The following ELP4 variants were observed in gnomAD, a reference collection of about 807,000 sequenced individuals.
The protein encoded by ELP4 is elongator complex protein 4.
ELP4 carries 51 observed loss-of-function variants against 48.9 expected under a neutral mutation model. The ratio of observed to expected loss-of-function variants is 1.04; its 90% CI spans 0.83 to 1.32. The LOEUF (loss-of-function observed/expected upper bound fraction) is 1.32, where lower values mean the gene tolerates loss of function less well. Ranked by LOEUF, ELP4 falls within the 40% of genes most tolerant of loss-of-function variation. ELP4 has a pLI of 0.00. For missense variants in ELP4, 519 were observed against 514.6 expected, an observed-to-expected ratio of 1.01 and a Z score of -0.08; for synonymous variants, 210 against 189.2, an observed-to-expected ratio of 1.11 and a Z score of -0.90.
chr11:31,573,521 C>G (rs1229064568), intron 3 of ELP4: 1 of 152,208 alleles, frequency 6.6e-6, no homozygotes, highest in African/African-American at 2.4e-5. Flanking sequence ...CTGGTGAGGG[C>G]TCTCTTCCTG....
intron 5 of ELP4, among the ~76,000 whole-genome samples, chr11:31,604,684 G>A (rs1030458833): frequency 1.3e-5 from 2 of 151,782 alleles, no homozygotes; most frequent in Non-Finnish European, 3.0e-5. Flanking sequence ...AATAGGCAAG[G>A]CGTTGTGAAC....
At chr11:31,568,294 A>G (rs1326944167) in intron 3 of ELP4, among the ~76,000 whole-genome samples, 1 of 152,216 alleles carries the variant, frequency 6.6e-6, no homozygotes, top group Non-Finnish European at 1.5e-5. Context: ...ATCAGAGATG[A>G]CACAAATGAA....
At chr11:31,783,371 C>G in intron 9 of ELP4, 22 bp from the exon 10 acceptor site, 2 of 1,582,686 alleles carry the variant, frequency 1.3e-6, no homozygotes, top group South Asian at 2.3e-5. Context: ...TTTTTTTCTT[C>G]TCCTGAAATC....
intron 9 of ELP4, chr11:31,714,908 CA>C (rs1946810752): frequency 2.5e-6 from 1 of 397,490 alleles, no homozygotes; most frequent in Non-Finnish European, 4.4e-6. Context: ...GTCGACCAAT[CA>C]GCAACCTTAA....
chr11:31,629,487 ATATCT>A (rs1454391518), intron 6 of ELP4, among the ~76,000 whole-genome samples: 3 of 151,890 alleles, frequency 2.0e-5, no homozygotes, highest in Non-Finnish European at 4.4e-5. Context: ...CCTCACTTAA[ATATCT>A]TATCTCTCAT....
intron 9 of ELP4, chr11:31,653,644 C>A (rs1945369621): frequency 6.6e-6 from 1 of 151,466 alleles, no homozygotes; most frequent in Admixed American, 6.6e-5. Flanking sequence ...GGTATAAAGT[C>A]TTTGCTGAAA....
chr11:31,729,034 G>A (rs566674212), intron 9 of ELP4, among the ~76,000 whole-genome samples: 27 of 152,252 alleles, frequency 1.8e-4, no homozygotes, highest in African/African-American at 6.0e-4. Context: ...AGCTAGAGGA[G>A]AAAATTCTAA....
At chr11:31,606,162 G>A (rs2134005898) in intron 5 of ELP4, among the ~76,000 whole-genome samples, 1 of 152,102 alleles carries the variant, frequency 6.6e-6, no homozygotes, top group South Asian at 2.1e-4. Context: ...AGAGTTAACT[G>A]ATAATTCATT....
intron 9 of ELP4, among the ~76,000 whole-genome samples, chr11:31,690,629 C>G (rs1946258655): frequency 6.6e-6 from 1 of 151,938 alleles, no homozygotes; most frequent in South Asian, 2.1e-4. Context: ...TAGCTTCCTA[C>G]CTTCATTTTA....
intron 3 of ELP4, among the ~76,000 whole-genome samples, chr11:31,559,528 T>C (rs1024393604): frequency 2.0e-5 from 3 of 152,202 alleles, no homozygotes; most frequent in East Asian, 1.9e-4. Flanking sequence ...GTATAACATA[T>C]AGGCTGCTGT....
At chr11:31,721,486 G>C (rs1946957157) in intron 9 of ELP4, among the ~76,000 whole-genome samples, 1 of 151,740 alleles carries the variant, frequency 6.6e-6, no homozygotes, top group Non-Finnish European at 1.5e-5. Context: ...AACTGTCTTG[G>C]CTTTTTTTTT....
At chr11:31,737,257 G>C (rs1947340715) in intron 9 of ELP4, among the ~76,000 whole-genome samples, 1 of 152,020 alleles carries the variant, frequency 6.6e-6, no homozygotes, top group Non-Finnish European at 1.5e-5. Flanking sequence ...TCATAGGTGG[G>C]AATTGAACTA....
intron 5 of ELP4, among the ~76,000 whole-genome samples, chr11:31,619,305 T>C (rs1316058329): frequency 6.6e-6 from 1 of 152,026 alleles, no homozygotes; most frequent in African/African-American, 2.4e-5. Context: ...AGTTCACATA[T>C]GGCAGCCTGT....
rs1948567105 is a variant in ELP4, at chr11:31,785,747, A to T, written c.*2223A>T. The T allele has an allele frequency of 1.0e-5, 2 of 193,076 alleles. No individual in the cohort carries two copies. Among genetic ancestry groups the T allele is most frequent in the East Asian group, 1.6e-4 (2 of 12,222 alleles). The allele number at this position is 193,076 out of a possible 1,614,324, so 12.0% of individuals were successfully genotyped here. On this transcript the variant is annotated 3_prime_UTR_variant, in exon 10 of 10. Transcript: ENST00000640961. The stretch of plus-strand genomic sequence containing the variant: ...CTTTCTTCTGGAAACATTATTTGTT[A>T]CTCATTATGTTAATAACTTACTACA...
At chr11:31,742,160 A>C (rs1220341220) in intron 9 of ELP4, among the ~76,000 whole-genome samples, 2 of 152,176 alleles carry the variant, frequency 1.3e-5, no homozygotes, top group Non-Finnish European at 2.9e-5. Flanking sequence ...TGGAAGATGA[A>C]ATGAATGAAA....
At chr11:31,647,875 G>A in intron 8 of ELP4, 26 bp downstream of exon 8, 3 of 1,354,824 alleles carry the variant, frequency 2.2e-6, no homozygotes, top group South Asian at 2.3e-5. Flanking sequence ...ATAATGAGAA[G>A]AGCAGGAGCA....
chr11:31,591,842 A>G (rs995112631), intron 3 of ELP4, among the ~76,000 whole-genome samples: 6 of 151,582 alleles, frequency 4.0e-5, no homozygotes, highest in African/African-American at 1.5e-4. Flanking sequence ...TAACTTAAGA[A>G]TAGAAATGAT....
At chr11:31,649,772 A>C in intron 8 of ELP4, 3 of 179,140 alleles carry the variant, frequency 1.7e-5, no homozygotes, top group East Asian at 2.8e-4. Context: ...TGCCGTGGGC[A>C]GCATGCAAGG....
intron 3 of ELP4, among the ~76,000 whole-genome samples, chr11:31,561,732 C>A (rs1294586251): frequency 6.6e-6 from 1 of 152,150 alleles, no homozygotes; most frequent in African/African-American, 2.4e-5. Flanking sequence ...GTGTGAGCCA[C>A]CATGCCTGGC....
Sources: allele counts gnomAD v4.1 joint callset (sites outside exome capture counted in the v4.1 genomes callset), GRCh38; gene constraint gnomAD v4.1.1; transcripts MANE v1.5; gene names NCBI Gene and HGNC (gene_info 2026-07-23, HGNC 2026-07-21).